The following LRRC51 variants were observed in gnomAD, a reference collection of about 807,000 sequenced individuals.
LRRC51 encodes the protein leucine rich repeat containing 51, also known as leucine-rich repeat-containing protein 51.
LRRC51 carries 8 observed loss-of-function variants against 17.8 expected under a neutral mutation model. The observed-to-expected ratio is 0.45, with a 90% CI of 0.26 to 0.81. The LOEUF is 0.81. Ranked by LOEUF, LRRC51 falls within the 30% of genes least tolerant of loss-of-function variation. LRRC51 has a pLI of 0.17. For synonymous variants in LRRC51, 92 were observed against 96.0 expected (o/e 0.96, Z 0.24); for missense variants, 233 against 239.3 (o/e 0.97, Z 0.17).
rs1944445799 is a variant in LRRC51, at chr11:72,084,889, TG to T, written c.-139-3407del. Among the ~76,000 whole-genome samples, 4 of 125,204 alleles carry T rather than the reference TG, an allele frequency of 3.2e-5. No homozygotes were observed. The East Asian group carries it at 8.9e-4, about 28-fold the overall frequency. 82.1% of individuals were successfully genotyped at this position (125,204 alleles called of 152,430 possible). ...GTGTGTGTGTGTGTGTGTGTGTGTG[TG>T]TGTGTGTGTGTGTGTAAAACCTTAT... On this transcript the variant is annotated intron_variant, in intron 1 of 5. Transcript: ENST00000289488.
At chr11:72,091,118 G>A (rs1944833421) in intron 3 of LRRC51, among the ~76,000 whole-genome samples, 1 of 152,194 alleles carries the variant, frequency 6.6e-6, no homozygotes, top group Admixed American at 6.5e-5. Context: ...TCCTTGGTAA[G>A]AGCAGCTCCA....
At chr11:72,089,612 C>T (rs933461383) in intron 3 of LRRC51, 2 of 1,182,068 alleles carry the variant, frequency 1.7e-6, no homozygotes, top group African/African-American at 3.2e-5. Context: ...CAAAACCTTT[C>T]TCCTCTGTCT....
chr11:72,088,375 T>A lies in LRRC51; in HGVS notation c.-61T>A, dbSNP rs1220944919. ...CTAATGGTGGAGTTTCAGCCATCAG[T>A]GACAGGTGAGTGAGAGGTAGACTCT... On this transcript the variant is annotated 5_prime_UTR_variant, in exon 2 of 6. Transcript: ENST00000289488. 4 of 702,578 alleles carry A rather than the reference T, an allele frequency of 5.7e-6. No individual in the cohort carries two copies. The South Asian group carries it at 5.9e-5, about 10-fold the overall frequency. The allele number at this position is 702,578 out of a possible 1,614,324, so 43.5% of individuals were successfully genotyped here.
At chr11:72,091,040 G>A (rs544324174) in intron 3 of LRRC51, among the ~76,000 whole-genome samples, 9 of 152,282 alleles carry the variant, frequency 5.9e-5, no homozygotes, top group African/African-American at 2.2e-4. Context: ...CAGATTCTTA[G>A]GCAGTGTAGT....
intron 3 of LRRC51, 180 bp downstream of exon 3, chr11:72,089,345 G>A: frequency 4.7e-6 from 7 of 1,496,056 alleles, no homozygotes; most frequent in Non-Finnish European, 6.3e-6. Flanking sequence ...CTTTTTGTTT[G>A]TTTTGATTTT....
Position 72,091,474 on chromosome 11 carries a change from T to TG in LRRC51, c.83-2017dup, listed in dbSNP as rs201637252. On this transcript the variant is annotated intron_variant, in intron 3 of 5. Transcript: ENST00000289488. ...ACCTGCATCTGAGGAGGAGGAGAGGTGGGGGTGGAAGGGCAAAGGGTGTCC... is the reference window on the plus strand; with the variant it reads ...ACCTGCATCTGAGGAGGAGGAGAGGTGGGGGGTGGAAGGGCAAAGGGTGTCC... 6.9e-3 allele frequency among the ~76,000 whole-genome samples: 1,037 copies of TG among 151,102 alleles called. 2 individuals carry two copies. Among genetic ancestry groups the TG allele is most frequent in the African/African-American group, 0.016 (649 of 41,146 alleles).
Position 72,095,995 on chromosome 11 carries a change from A to C in LRRC51, c.*475A>C. On this transcript the variant is annotated 3_prime_UTR_variant, in exon 6 of 6. Coordinates refer to ENST00000289488, the MANE Select transcript of LRRC51 (RefSeq NM_145309.6). ...GTAGCTGGGATTACAGGCGCCTGCT[A>C]CCACATCCAGCTAATTTTTTTTTTT... 1 of 169,914 alleles carries C rather than the reference A, an allele frequency of 5.9e-6. No homozygotes were observed. The highest frequency in any genetic ancestry group is 1.1e-4 in the South Asian group (1 of 8,992). 10.5% of individuals were successfully genotyped at this position (169,914 alleles called of 1,614,324 possible).
At chr11:72,087,682 A>G (rs1007430170) in intron 1 of LRRC51, among the ~76,000 whole-genome samples, 2 of 152,330 alleles carry the variant, frequency 1.3e-5, no homozygotes, top group East Asian at 1.9e-4. Flanking sequence ...CCAGTATGGT[A>G]GCCACTAGTC....
chr11:72,088,327 C>T lies in LRRC51; in HGVS notation c.-109C>T, dbSNP rs193014675. On this transcript the variant is annotated 5_prime_UTR_variant, in exon 2 of 6. Transcript: ENST00000289488. ...ATTTCCATTTTAACCGGAAACAATCCCTGAACCCACAGGAATGAATGCCTA... is the reference window on the plus strand; with the variant it reads ...ATTTCCATTTTAACCGGAAACAATCTCTGAACCCACAGGAATGAATGCCTA... 3.5e-4 allele frequency: 248 copies of T among 702,132 alleles called. 2 individuals carry two copies. Among genetic ancestry groups the T allele is most frequent in the Non-Finnish European group, 8.8e-5 (34 of 384,776 alleles). The allele number at this position is 702,132 out of a possible 1,614,324, so 43.5% of individuals were successfully genotyped here.
chr11:72,091,879 C>CCA (rs1289519406), intron 3 of LRRC51, among the ~76,000 whole-genome samples: 1 of 152,210 alleles, frequency 6.6e-6, no homozygotes, highest in Non-Finnish European at 1.5e-5. Context: ...AAACCAGCCT[C>CCA]CATTCACTCT....
intron 1 of LRRC51, among the ~76,000 whole-genome samples, chr11:72,087,579 C>T (rs1010944875): frequency 6.6e-6 from 1 of 152,148 alleles, no homozygotes; most frequent in African/African-American, 2.4e-5. Flanking sequence ...TAAATGTAGG[C>T]TTAGATTCTT....
At chr11:72,094,759 A>T in intron 4 of LRRC51, 189 bp from the exon 5 acceptor site, 1 of 1,100,108 alleles carries the variant, frequency 9.1e-7, no homozygotes, top group Non-Finnish European at 1.4e-6. Context: ...GCTCCTTTTC[A>T]GTGTGATGCC....
intron 4 of LRRC51, among the ~76,000 whole-genome samples, chr11:72,093,928 C>T (rs1193230730): frequency 6.6e-6 from 1 of 152,122 alleles, no homozygotes; most frequent in East Asian, 1.9e-4. Context: ...ACTGCAGCCT[C>T]CCTGTCGGAA....
intron 1 of LRRC51, chr11:72,085,701 G>C (rs989662283): frequency 1.3e-5 from 2 of 152,276 alleles, no homozygotes; most frequent in African/African-American, 4.8e-5. Flanking sequence ...AGTGGCTTAA[G>C]ATAATAAACA....
rs755166824 is a variant in LRRC51, at chr11:72,095,479, A to G, written c.538A>G (p.Ile180Val). Residue 180 changes from isoleucine to valine, a missense_variant, in exon 6 of 6, where the codon ATC becomes GTC. Transcript: ENST00000289488. ...AGCTGAAGTCTGGAAACGCATGAACATCAAGCCCAAGAAGGCCTGGACCAA... is the reference window on the plus strand; with the variant it reads ...AGCTGAAGTCTGGAAACGCATGAACGTCAAGCCCAAGAAGGCCTGGACCAA... ...TTAEVWKRMNIKPKKAWTKQN... is the reference protein window; with the variant it reads ...TTAEVWKRMNVKPKKAWTKQN... 8 of 1,613,964 alleles carry G rather than the reference A, an allele frequency of 5.0e-6. No homozygotes were observed. The highest frequency in any genetic ancestry group is 3.3e-5 in the Admixed American group (2 of 60,002).
chr11:72,094,162 T>C (rs1446361623), intron 4 of LRRC51, among the ~76,000 whole-genome samples: 3 of 151,852 alleles, frequency 2.0e-5, no homozygotes, highest in Non-Finnish European at 4.4e-5. Flanking sequence ...GGCGGGCGCC[T>C]GTAGTCCCAG....
chr11:72,084,861 CGTGTGTGTGT>C (rs55904624), intron 1 of LRRC51, among the ~76,000 whole-genome samples: 8,867 of 124,166 alleles, frequency 0.071, 473 homozygotes, highest in Admixed American at 0.15. Context: ...AAAAGAAAAC[CGTGTGTGTGT>C]GTGTGTGTGT....
chr11:72,084,282 G>A (rs1258312691), intron 1 of LRRC51, among the ~76,000 whole-genome samples: 1 of 152,148 alleles, frequency 6.6e-6, no homozygotes, highest in Non-Finnish European at 1.5e-5. Flanking sequence ...ATTCCTCAAA[G>A]CTTCCTGTGT....
intron 1 of LRRC51, among the ~76,000 whole-genome samples, chr11:72,084,928 C>CAAG (rs1944449581): frequency 6.3e-5 from 1 of 15,998 alleles, no homozygotes; most frequent in Admixed American, 3.4e-4. Flanking sequence ...GCTATACATT[C>CAAG]TAGGTTATAT....
Sources: gnomAD v4.1 joint callset for allele counts (sites outside exome capture counted in the v4.1 genomes callset) on GRCh38, gnomAD v4.1.1 for gene constraint, MANE v1.5 for transcripts, NCBI Gene and HGNC (gene_info 2026-07-23, HGNC 2026-07-21) for gene names.